Variants in CMIP observed in about 807,000 individuals in gnomAD.
The protein encoded by CMIP is C-Maf-inducing protein.
A neutral mutation model predicts 97.3 loss-of-function variants in CMIP; 13 were observed. The observed-to-expected ratio is 0.13, with a 90% CI of 0.09 to 0.21. The LOEUF is 0.21. Among genes scored for constraint, CMIP ranks in the 10% least tolerant of loss-of-function variants. The pLI is 1.00. For missense variants in CMIP, 847 were observed against 1,024.9 expected, an observed-to-expected ratio of 0.83 and a Z score of 2.37; for synonymous variants, 538 against 436.3, an observed-to-expected ratio of 1.23 and a Z score of -2.91.
At chr16:81,497,731 C>G (rs2150773521) in intron 1 of CMIP, among the ~76,000 whole-genome samples, 1 of 152,384 alleles carries the variant, frequency 6.6e-6, no homozygotes. Flanking sequence ...GCTAAAGGCT[C>G]AGTGGCCTGG....
At chr16:81,678,247 A>G in intron 9 of CMIP, 28 bp from the exon 10 acceptor site, 1 of 1,533,348 alleles carries the variant, frequency 6.5e-7, no homozygotes, top group Non-Finnish European at 8.8e-7. Context: ...GCCTGTACTC[A>G]TGTGCCCTCT....
chr16:81,666,096 T>C (rs1483923963), intron 7 of CMIP: 1 of 152,014 alleles, frequency 6.6e-6, no homozygotes, highest in Non-Finnish European at 1.5e-5. Context: ...TGGGGCGGGG[T>C]TTCTGCCTTA....
chr16:81,492,405 T>A (rs1394050264), intron 1 of CMIP, among the ~76,000 whole-genome samples: 2 of 152,272 alleles, frequency 1.3e-5, no homozygotes, highest in Non-Finnish European at 2.9e-5. Flanking sequence ...CTGAGTCCTC[T>A]GTCCCTCTGT....
In CMIP at chr16:81,456,877, TC is replaced by T. The variant is rs1906581724; in HGVS notation, c.300+11338del. Among the ~76,000 whole-genome samples the T allele has an allele frequency of 3.3e-5, 5 of 152,178 alleles. No homozygotes were observed. The South Asian group carries it at 1.0e-3, about 32-fold the overall frequency. On this transcript the variant is annotated intron_variant, in intron 1 of 20. Coordinates refer to ENST00000537098, the MANE Select transcript of CMIP (RefSeq NM_198390.3). The stretch of plus-strand genomic sequence containing the variant: ...CTACCCTGACTGCACTGGGGCCCCT[TC>T]CGGGAGCTTCCTGGGCCAGCTTCCT...
intron 7 of CMIP, chr16:81,667,100 A>G (rs897211609): frequency 1.7e-4 from 26 of 151,852 alleles, no homozygotes; most frequent in African/African-American, 6.3e-4. Context: ...GCACTCAGAC[A>G]TTTAGGAAAC....
At chr16:81,498,606 CAT>C (rs1470271237) in intron 1 of CMIP, among the ~76,000 whole-genome samples, 2 of 152,218 alleles carry the variant, frequency 1.3e-5, no homozygotes, top group African/African-American at 4.8e-5. Context: ...GGTGCCCACA[CAT>C]GTGTGCCCCA....
At chr16:81,674,599 T>G (rs1321605637) in intron 9 of CMIP, among the ~76,000 whole-genome samples, 1 of 152,216 alleles carries the variant, frequency 6.6e-6, no homozygotes, top group Non-Finnish European at 1.5e-5. Flanking sequence ...GGCTTCTTTT[T>G]TTTTTGAGAC....
intron 10 of CMIP, among the ~76,000 whole-genome samples, chr16:81,689,637 G>A (rs1420558629): frequency 1.3e-5 from 2 of 152,128 alleles, no homozygotes; most frequent in Non-Finnish European, 2.9e-5. Flanking sequence ...TTCTTTTGCT[G>A]TGCAGAAGCT....
chr16:81,590,004 G>A (rs1236178566), intron 1 of CMIP, among the ~76,000 whole-genome samples: 1 of 152,164 alleles, frequency 6.6e-6, no homozygotes, highest in Non-Finnish European at 1.5e-5. Flanking sequence ...GACAGCAGGT[G>A]TCCGGAGGCT....
Position 81,616,394 on chromosome 16 carries a change from C to T in CMIP, c.427-4482C>T, listed in dbSNP as rs1377050599. Among the ~76,000 whole-genome samples, 1 of 152,174 alleles carries T rather than the reference C, an allele frequency of 6.6e-6. No homozygotes were observed. The highest frequency in any genetic ancestry group is 2.4e-5 in the African/African-American group (1 of 41,438). On this transcript the variant is annotated intron_variant, in intron 2 of 20. Transcript: ENST00000537098. The surrounding 1 kb of genome is among the most constrained non-coding windows in gnomAD (Gnocchi z 4.7). ...CGCCGGAGTGTGCAGAGGCACCCCA[C>T]TGCCTGCTCCGAGCCTCAGCTTCCT...
Position 81,657,114 on chromosome 16 carries a change from C to G in CMIP, c.640-661C>G, listed in dbSNP as rs1242670047. Among the ~76,000 whole-genome samples the G allele has an allele frequency of 2.0e-5, 3 of 152,104 alleles. No individual in the cohort carries two copies. In the East Asian group the frequency reaches 5.8e-4, roughly 29 times the overall value. On this transcript the variant is annotated intron_variant, in intron 4 of 20. Transcript: ENST00000537098. Reference sequence around the variant, plus strand: ...GCATTTTCAGTAAGGGATGTTCAACCTGTAACAGTTACCAATTATTTAAGA... The same window carrying G: ...GCATTTTCAGTAAGGGATGTTCAACGTGTAACAGTTACCAATTATTTAAGA...
chr16:81,675,523 T>C (rs1227625032), intron 9 of CMIP, among the ~76,000 whole-genome samples: 1 of 152,104 alleles, frequency 6.6e-6, no homozygotes, highest in Admixed American at 6.5e-5. Flanking sequence ...CCGTGTACAA[T>C]GTTTTTGTAT....
At chr16:81,537,474 G>A (rs1053773254) in intron 1 of CMIP, among the ~76,000 whole-genome samples, 5 of 144,678 alleles carry the variant, frequency 3.5e-5, no homozygotes, top group East Asian at 2.1e-4. Flanking sequence ...GGCAGAGGTC[G>A]CTCTGAGCCA....
intron 1 of CMIP, among the ~76,000 whole-genome samples, chr16:81,555,815 C>T (rs1318618539): frequency 6.6e-6 from 1 of 152,204 alleles, no homozygotes. Context: ...CTGGTCTGCC[C>T]TGGTTGGGGG....
chr16:81,632,480 T>C (rs1416218038), intron 3 of CMIP, among the ~76,000 whole-genome samples: 3 of 152,190 alleles, frequency 2.0e-5, no homozygotes, highest in African/African-American at 7.2e-5. Flanking sequence ...TCCACACCAT[T>C]TTCTTTTCTA....
chr16:81,649,348 A>T (rs1197274233), intron 3 of CMIP, among the ~76,000 whole-genome samples: 1 of 152,224 alleles, frequency 6.6e-6, no homozygotes, highest in Non-Finnish European at 1.5e-5. Flanking sequence ...GGCTGGGTGT[A>T]CCGACCCCGA....
At chr16:81,701,586 C>T in intron 15 of CMIP, 74 bp from the exon 16 acceptor site, 5 of 1,605,516 alleles carry the variant, frequency 3.1e-6, no homozygotes, top group Non-Finnish European at 3.4e-6. Context: ...AAAACAAGGC[C>T]CTTGGGGTGC....
chr16:81,624,747 T>C (rs1033335893), intron 3 of CMIP, among the ~76,000 whole-genome samples: 2 of 152,230 alleles, frequency 1.3e-5, no homozygotes, highest in Admixed American at 1.3e-4. Context: ...GACACTAGGG[T>C]TCCTTATGGG....
intron 1 of CMIP, among the ~76,000 whole-genome samples, chr16:81,548,861 G>C (rs527484231): frequency 1.3e-5 from 2 of 152,190 alleles, no homozygotes; most frequent in African/African-American, 4.8e-5. Context: ...AAAACAAAAA[G>C]GAAAAAGGAA....
Sources: gnomAD v4.1 joint callset for allele counts (sites outside exome capture counted in the v4.1 genomes callset) on GRCh38, gnomAD v4.1.1 for gene constraint, Gnocchi (gnomAD v3.1) non-coding constraint, MANE v1.5 for transcripts, NCBI Gene and HGNC (gene_info 2026-07-23, HGNC 2026-07-21) for gene names.